The following ITGA8 variants were observed in gnomAD, a reference collection of about 807,000 sequenced individuals.
The protein encoded by ITGA8 is integrin subunit alpha 8.
In ITGA8, 91 loss-of-function variants were observed where a neutral mutation model predicts 142.3. The observed-to-expected ratio is 0.64, with a 90% CI of 0.54 to 0.76. The LOEUF is 0.76. ITGA8 is among the 30% of genes least tolerant of loss of function. The pLI, the probability that ITGA8 is intolerant of heterozygous loss-of-function variation, is 0.00. For missense variants in ITGA8, 1,406 were observed against 1,327.7 expected, an observed-to-expected ratio of 1.06 and a Z score of -0.92; for synonymous variants, 505 against 485.2, an observed-to-expected ratio of 1.04 and a Z score of -0.54.
At chr10:15,523,051 T>C (rs1833100005) in intron 28 of ITGA8, among the ~76,000 whole-genome samples, 1 of 152,106 alleles carries the variant, frequency 6.6e-6, no homozygotes, top group African/African-American at 2.4e-5. Context: ...AGTTCCTGCC[T>C]ACTATTTTAT....
intron 2 of ITGA8, among the ~76,000 whole-genome samples, chr10:15,700,706 C>T (rs568501294): frequency 9.2e-5 from 14 of 152,122 alleles, no homozygotes; most frequent in South Asian, 4.2e-4. Flanking sequence ...ACAAAGAACT[C>T]GAACAAATCA....
chr10:15,661,289 G>A (rs1344013636), intron 8 of ITGA8, among the ~76,000 whole-genome samples: 6 of 152,128 alleles, frequency 3.9e-5, no homozygotes, highest in Non-Finnish European at 7.3e-5. Flanking sequence ...TAGGTTGCAC[G>A]CCTCTTGAGA....
intron 6 of ITGA8, among the ~76,000 whole-genome samples, chr10:15,674,497 T>C (rs1334248871): frequency 3.3e-5 from 5 of 152,348 alleles, no homozygotes. Context: ...TAAATATAAT[T>C]TTAATTTTGT....
At chr10:15,570,643 G>A (rs1003057203) in intron 25 of ITGA8, among the ~76,000 whole-genome samples, 6 of 144,274 alleles carry the variant, frequency 4.2e-5, no homozygotes, top group African/African-American at 7.7e-5. Context: ...AAGAGAATAA[G>A]TGGGGAGTAG....
At chr10:15,535,104 G>A (rs1257369581) in intron 27 of ITGA8, among the ~76,000 whole-genome samples, 2 of 152,152 alleles carry the variant, frequency 1.3e-5, no homozygotes, top group Non-Finnish European at 2.9e-5. Context: ...AGGTGTGCTG[G>A]GTCCCCCAGC....
In ITGA8 at chr10:15,718,782, T is replaced by C. The variant is rs1311044548; in HGVS notation, c.327A>G (p.Ile109Met). ...PAEGSAQCRQ[I>M]PFDTTNNRKI... ...CTCACTTACTGGTGGTGTCAAACGG[T>C]ATCTGCCTGCACTGCGCAGACCCCT... Residue 109 changes from isoleucine to methionine, a missense_variant, in exon 2 of 30, where the codon ATA becomes ATG. Physicochemically the swap from Ile to Met is conservative, Grantham distance 10. Transcript: ENST00000378076. 1.2e-6 allele frequency: 2 copies of C among 1,613,964 alleles called. No homozygotes were observed. The highest frequency in any genetic ancestry group is 1.7e-6 in the Non-Finnish European group (2 of 1,179,944).
At chr10:15,580,126 T>TAAAAAAAAAAAAAAAAAAAAAA (rs35286236) in intron 23 of ITGA8, among the ~76,000 whole-genome samples, 1 of 108,900 alleles carries the variant, frequency 9.2e-6, no homozygotes, top group Non-Finnish European at 1.8e-5. Flanking sequence ...TCAGAAAATG[T>TAAAAAAAAAAAAAAAAAAAAAA]AAAAAAAAAA....
chr10:15,677,778 G>T, intron 5 of ITGA8, 141 bp from the exon 6 acceptor site: 1 of 610,792 alleles, frequency 1.6e-6, no homozygotes. Context: ...AGATCCTTCG[G>T]AGGCCTGCAG....
chr10:15,672,626 A>C lies in ITGA8; in HGVS notation c.800T>G (p.Leu267Arg). 6.2e-7 allele frequency: 1 copy of C among 1,612,800 alleles called. No individual in the cohort carries two copies. Among genetic ancestry groups the C allele is most frequent in the East Asian group, 2.2e-5 (1 of 44,792 alleles). The change falls in exon 7 of 30, where the codon CTT becomes CGT. Residue 267 changes from leucine (L) to arginine (R), a missense_variant and splice_region_variant. Leu to Arg is a moderately radical substitution (Grantham distance 102, BLOSUM62 -2). Coordinates refer to ENST00000378076, the MANE Select transcript of ITGA8 (RefSeq NM_003638.3). The part of the protein sequence containing the change: ...VAPASYDDSY[L>R]GYSVAAGEFT... Reference sequence around the variant, plus strand: ...ATGTCTTGGGCAATGGGTCTTACCAAGGTAACTGTCATCATAGGAAGCTGG... The same window carrying C: ...ATGTCTTGGGCAATGGGTCTTACCACGGTAACTGTCATCATAGGAAGCTGG...
intron 8 of ITGA8, among the ~76,000 whole-genome samples, chr10:15,667,768 C>T (rs1270807850): frequency 1.3e-4 from 19 of 151,736 alleles, no homozygotes; most frequent in South Asian, 6.3e-4. Context: ...GCCTTCATTT[C>T]GTTGTGTACC....
Position 15,646,891 on chromosome 10 carries a change from T to C in ITGA8, c.1162A>G (p.Ser388Gly). Residue 388 changes from serine to glycine, a missense_variant, in exon 12 of 30, where the codon AGT becomes GGT. By Grantham distance (56) the Ser-to-Gly change is moderately conservative. Transcript: ENST00000378076. ...TGTETFGRFG[S>G]AMAHLGDLNQ... Reference sequence around the variant, plus strand: ...AGGTCTCCTAAGTGTGCCATAGCACTACCGAATCTCCCAAACGTCTCGGTG... The same window carrying C: ...AGGTCTCCTAAGTGTGCCATAGCACCACCGAATCTCCCAAACGTCTCGGTG... 6.2e-7 allele frequency: 1 copy of C among 1,614,112 alleles called. No individual in the cohort carries two copies. Among genetic ancestry groups the C allele is most frequent in the Non-Finnish European group, 8.5e-7 (1 of 1,180,008 alleles).
intron 4 of ITGA8, among the ~76,000 whole-genome samples, chr10:15,682,200 C>T (rs1359617496): frequency 6.6e-6 from 1 of 152,184 alleles, no homozygotes; most frequent in Non-Finnish European, 1.5e-5. Context: ...GCACTTTTCA[C>T]TGCCTGACAT....
chr10:15,580,126 T>TAAAAAAAAAA (rs35286236), intron 23 of ITGA8, among the ~76,000 whole-genome samples: 5 of 108,896 alleles, frequency 4.6e-5, no homozygotes, highest in South Asian at 3.2e-4. Context: ...TCAGAAAATG[T>TAAAAAAAAAA]AAAAAAAAAA....
At chr10:15,589,676 G>A (rs1471189452) in intron 22 of ITGA8, among the ~76,000 whole-genome samples, 1 of 151,760 alleles carries the variant, frequency 6.6e-6, no homozygotes, top group Non-Finnish European at 1.5e-5. Context: ...TTACAGCTTT[G>A]GAGTCAGCCA....
intron 13 of ITGA8, among the ~76,000 whole-genome samples, chr10:15,623,800 C>T (rs1288520885): frequency 1.3e-5 from 2 of 152,086 alleles, no homozygotes; most frequent in Non-Finnish European, 2.9e-5. Context: ...GACCTGTAAC[C>T]ACTTCCACAA....
chr10:15,719,532 C>T (rs752975561), intron 1 of ITGA8, 31 bp downstream of exon 1: 9 of 1,514,602 alleles, frequency 5.9e-6, no homozygotes, highest in South Asian at 3.8e-5. Context: ...CCTTCGTCCC[C>T]GCGCGCACCT....
chr10:15,528,907 C>A (rs968624556), intron 28 of ITGA8, among the ~76,000 whole-genome samples: 3 of 152,162 alleles, frequency 2.0e-5, no homozygotes, highest in Non-Finnish European at 2.9e-5. Context: ...CCGAAGTTTA[C>A]TGAAATATTT....
intron 27 of ITGA8, among the ~76,000 whole-genome samples, chr10:15,537,856 G>A (rs1385930448): frequency 6.6e-6 from 1 of 152,136 alleles, no homozygotes; most frequent in African/African-American, 2.4e-5. Context: ...AGTGTCTCAT[G>A]CCTGTAATCC....
intron 2 of ITGA8, among the ~76,000 whole-genome samples, chr10:15,709,696 C>T (rs1835328797): frequency 6.6e-6 from 1 of 152,178 alleles, no homozygotes; most frequent in African/African-American, 2.4e-5. Flanking sequence ...GAATTAACTT[C>T]TGGTAAGCTC....
Sources: allele counts gnomAD v4.1 joint callset (sites outside exome capture counted in the v4.1 genomes callset), GRCh38; gene constraint gnomAD v4.1.1; transcripts MANE v1.5; gene names NCBI Gene and HGNC (gene_info 2026-07-23, HGNC 2026-07-21).